The following STK10 variants were observed in gnomAD, a reference collection of about 807,000 sequenced individuals.
The protein encoded by STK10 is serine/threonine kinase 10, also known as serine/threonine-protein kinase 10.
STK10 carries 78 observed loss-of-function variants against 113.8 expected under a neutral mutation model. The observed-to-expected ratio is 0.69, with a 90% CI of 0.57 to 0.83. STK10 has a LOEUF of 0.83. Ranked by LOEUF, STK10 falls within the 40% of genes least tolerant of loss-of-function variation. The pLI, the probability that STK10 is intolerant of heterozygous loss-of-function variation, is 0.00. For synonymous variants in STK10, 465 were observed against 494.7 expected, an observed-to-expected ratio of 0.94 and a Z score of 0.80; for missense variants, 1,109 against 1,280.1, an observed-to-expected ratio of 0.87 and a Z score of 2.04.
At chr5:172,168,217 T>C (rs906800830) in intron 1 of STK10, among the ~76,000 whole-genome samples, 2 of 152,186 alleles carry the variant, frequency 1.3e-5, no homozygotes, top group African/African-American at 2.4e-5. Context: ...TGTCACACAA[T>C]GTACAGCTGT....
rs1581171677 is a variant in STK10 at position 172,133,358 on chromosome 5, T to A, written c.322-5937A>T. Among the ~76,000 whole-genome samples the A allele has an allele frequency of 1.3e-5, 2 of 152,334 alleles. No individual in the cohort carries two copies. The highest frequency in any genetic ancestry group is 3.9e-4 in the East Asian group (2 of 5,184). On this transcript the variant is annotated intron_variant, in intron 2 of 18. Coordinates refer to ENST00000176763, the MANE Select transcript of STK10 (RefSeq NM_005990.4). The surrounding 1 kb of genome is among the most constrained non-coding windows in gnomAD (Gnocchi z 4.9). ...AGAGGCCATTTCATGAGTCCTGATG[T>A]CCTGGGCACCATGGCTACCTCCCCC...
At position 172,188,075 on chromosome 5, in the gene STK10, G is replaced by T. The variant is rs1280363637; in HGVS notation, c.-33C>A. 6.3e-7 allele frequency: 1 copy of T among 1,596,716 alleles called. No individual in the cohort carries two copies. ...GGCGCGGTGGCGCCGGCTCGGGCTCGGGCTCGGGCTCGGGCTGTGGCTTCG... is the reference window on the plus strand; with the variant it reads ...GGCGCGGTGGCGCCGGCTCGGGCTCTGGCTCGGGCTCGGGCTGTGGCTTCG... On this transcript the variant is annotated 5_prime_UTR_variant, in exon 1 of 19. Transcript: ENST00000176763. The surrounding 1 kb of genome is among the most constrained non-coding windows in gnomAD (Gnocchi z 5.6).
intron 4 of STK10, chr5:172,114,464 TA>T: frequency 1.7e-4 from 6 of 35,276 alleles, no homozygotes; most frequent in African/African-American, 5.1e-4. Flanking sequence ...TATATATATA[TA>T]TATATATATT....
chr5:172,132,080 C>T (rs1400856947), intron 2 of STK10, among the ~76,000 whole-genome samples: 11 of 152,208 alleles, frequency 7.2e-5, no homozygotes, highest in African/African-American at 2.7e-4. Context: ...AGATAAATTT[C>T]TATTGTTTAC....
rs1769788865 is a variant in STK10, at chr5:172,133,072, G to C, written c.322-5651C>G. Among the ~76,000 whole-genome samples the C allele has an allele frequency of 6.6e-6, 1 of 152,230 alleles. No homozygotes were observed. The highest frequency in any genetic ancestry group is 1.5e-5 in the Non-Finnish European group (1 of 68,036). On this transcript the variant is annotated intron_variant, in intron 2 of 18. Coordinates refer to ENST00000176763, the MANE Select transcript of STK10 (RefSeq NM_005990.4). This position sits in a 1 kb window ranked among gnomAD's most constrained non-coding sequence, Gnocchi z 4.9. The stretch of plus-strand genomic sequence containing the variant: ...CAGAGGTGGGGCAGCAGGGAAAAGC[G>C]TGGAAGCGGGTAATGGCGGAGCATT...
intron 4 of STK10, among the ~76,000 whole-genome samples, chr5:172,113,562 A>C (rs1371097373): frequency 6.6e-6 from 1 of 152,214 alleles, no homozygotes; most frequent in Non-Finnish European, 1.5e-5. Context: ...CTGATATTCA[A>C]TGTTAAAAAC....
chr5:172,160,922 C>G (rs967224322), intron 1 of STK10, among the ~76,000 whole-genome samples: 1 of 152,190 alleles, frequency 6.6e-6, no homozygotes, highest in Non-Finnish European at 1.5e-5. Flanking sequence ...TCCCTACAAT[C>G]TCCACCACTT....
chr5:172,047,603 G>C (rs1398174966), intron 18 of STK10, among the ~76,000 whole-genome samples: 1 of 152,184 alleles, frequency 6.6e-6, no homozygotes, highest in Non-Finnish European at 1.5e-5. Flanking sequence ...AGCGCAGGGA[G>C]GGAGGCCTCA....
intron 4 of STK10, among the ~76,000 whole-genome samples, chr5:172,112,127 G>C (rs894878785): frequency 6.6e-6 from 1 of 152,216 alleles, no homozygotes; most frequent in Non-Finnish European, 1.5e-5. Context: ...TATTTGTATG[G>C]ACTAACTTGG....
At chr5:172,095,024 G>A (rs1369213856) in intron 8 of STK10, among the ~76,000 whole-genome samples, 4 of 152,120 alleles carry the variant, frequency 2.6e-5, no homozygotes, top group Non-Finnish European at 5.9e-5. Flanking sequence ...GCCCCAGAGG[G>A]CCATCCCCTG....
intron 5 of STK10, 128 bp downstream of exon 5, chr5:172,107,652 G>T: frequency 2.4e-6 from 2 of 818,362 alleles, no homozygotes; most frequent in Non-Finnish European, 3.8e-6. Context: ...AGGTCACACA[G>T]CTAGTAAGCC....
rs1768669520 is a variant in STK10 at position 172,090,272 on chromosome 5, T to C, written c.1645A>G (p.Ser549Gly). The change falls in exon 10 of 19, where the codon AGC becomes GGC. Residue 549 changes from serine to glycine, a missense_variant. Ser to Gly is a moderately conservative substitution (Grantham distance 56). Transcript: ENST00000176763. ...EVSITTSKII[S>G]EDEKKDEEMR... ...TCCTCATCCTTCTTCTCATCTTCGCTGATGATCTTGGAGGTGGTGATGCTC... is the reference window on the plus strand; with the variant it reads ...TCCTCATCCTTCTTCTCATCTTCGCCGATGATCTTGGAGGTGGTGATGCTC... 1.2e-6 allele frequency: 2 copies of C among 1,614,148 alleles called. No homozygotes were observed. Among genetic ancestry groups the C allele is most frequent in the African/African-American group, 1.3e-5 (1 of 75,048 alleles).
chr5:172,066,445 GAA>G (rs1051327551), intron 12 of STK10, among the ~76,000 whole-genome samples: 40 of 152,170 alleles, frequency 2.6e-4, no homozygotes, highest in African/African-American at 9.4e-4. Flanking sequence ...AGAGAACCAG[GAA>G]AAGAGGCCTG....
intron 10 of STK10, among the ~76,000 whole-genome samples, chr5:172,086,758 G>C (rs1331469904): frequency 6.6e-6 from 1 of 152,178 alleles, no homozygotes; most frequent in Admixed American, 6.5e-5. Context: ...CAGGCGCTCA[G>C]ACCTCCAGAC....
chr5:172,070,402 A>C (rs1768151859), intron 12 of STK10, among the ~76,000 whole-genome samples: 1 of 151,968 alleles, frequency 6.6e-6, no homozygotes, highest in Non-Finnish European at 1.5e-5. Context: ...CCTGGGTCAA[A>C]GAGGAAGTTG....
In STK10 at chr5:172,187,828, C is replaced by T; in HGVS notation, c.156+59G>A. On this transcript the variant is annotated intron_variant, in intron 1 of 18. Coordinates refer to ENST00000176763, the MANE Select transcript of STK10 (RefSeq NM_005990.4). The surrounding 1 kb of genome is among the most constrained non-coding windows in gnomAD (Gnocchi z 4.6). The stretch of plus-strand genomic sequence containing the variant: ...CCAGGCTGGCCGGGTCCGGCTCAGG[C>T]ATCCCTTCCTTCCGGAGCCCCTCGA... The T allele has an allele frequency of 6.3e-7, 1 of 1,587,276 alleles. No homozygotes were observed. Among genetic ancestry groups the T allele is most frequent in the Non-Finnish European group, 8.6e-7 (1 of 1,167,502 alleles).
At chr5:172,057,321 C>A in intron 15 of STK10, 28 bp downstream of exon 15, 4 of 1,575,174 alleles carry the variant, frequency 2.5e-6, no homozygotes, top group Non-Finnish European at 3.4e-6. Context: ...GGCAGCAGAT[C>A]CGAGCCCCGT....
intron 4 of STK10, 53 bp from the exon 5 acceptor site, chr5:172,107,905 G>C: frequency 1.3e-6 from 2 of 1,553,450 alleles, no homozygotes; most frequent in South Asian, 2.2e-5. Context: ...TGGGGTAAAA[G>C]CCGGGGATGT....
chr5:172,089,411 T>TGGATGGATGGATGGATGGATGGAA (rs1768638944), intron 10 of STK10, among the ~76,000 whole-genome samples: 5 of 148,714 alleles, frequency 3.4e-5, no homozygotes, highest in African/African-American at 1.3e-4. Flanking sequence ...GATGGATGGA[T>TGGATGGATGGATGGATGGATGGAA]GGATGGATGG....
Sources: gnomAD v4.1 joint callset for allele counts (sites outside exome capture counted in the v4.1 genomes callset) on GRCh38, gnomAD v4.1.1 for gene constraint, Gnocchi (gnomAD v3.1) non-coding constraint, MANE v1.5 for transcripts, NCBI Gene and HGNC (gene_info 2026-07-23, HGNC 2026-07-21) for gene names.